HPS1: variants seen among roughly 807,000 people sequenced by gnomAD.
HPS1 encodes the protein HPS1 biogenesis of lysosomal organelles complex 3 subunit 1.
Under a neutral mutation model 90.6 loss-of-function variants are expected in HPS1, and 59 were observed. That is an observed-to-expected ratio of 0.65 (90% CI 0.53 to 0.81). The LOEUF (loss-of-function observed/expected upper bound fraction) is 0.81, where lower values mean the gene tolerates loss of function less well. HPS1 is among the 30% of genes least tolerant of loss of function. The pLI is 0.00. For missense variants in HPS1, 849 were observed against 896.7 expected, an observed-to-expected ratio of 0.95 and a Z score of 0.68; for synonymous variants, 388 against 384.4, an observed-to-expected ratio of 1.01 and a Z score of -0.11.
chr10:98,426,353 A>T (rs143588650), intron 11 of HPS1, among the ~76,000 whole-genome samples: 1 of 152,172 alleles, frequency 6.6e-6, no homozygotes, highest in African/African-American at 2.4e-5. Context: ...AATGTTCAAC[A>T]TTGTATCATT....
chr10:98,446,783 C>A (rs1939684258), intron 1 of HPS1, 24 bp downstream of exon 1: 1 of 152,212 alleles, frequency 6.6e-6, no homozygotes, highest in Non-Finnish European at 1.5e-5. Flanking sequence ...AGTGGGCCCG[C>A]TCCGGGACCC....
At chr10:98,418,622 G>A (rs144214279) in intron 18 of HPS1, among the ~76,000 whole-genome samples, 1 of 152,366 alleles carries the variant, frequency 6.6e-6, no homozygotes, top group Non-Finnish European at 1.5e-5. Context: ...AATTCCCAGG[G>A]TGGGATAAGG....
intron 6 of HPS1, among the ~76,000 whole-genome samples, chr10:98,433,689 G>A (rs997671740): frequency 6.6e-6 from 1 of 152,126 alleles, no homozygotes; most frequent in Non-Finnish European, 1.5e-5. Context: ...TAATTTTGTG[G>A]GAAAAGGAGG....
chr10:98,415,491 A>T (rs1428830325), downstream of HPS1, among the ~76,000 whole-genome samples: 2 of 152,216 alleles, frequency 1.3e-5, no homozygotes, highest in African/African-American at 2.4e-5. Context: ...GGGTTAGGGA[A>T]TGAGTGGTGG....
intron 3 of HPS1, among the ~76,000 whole-genome samples, chr10:98,441,728 T>C (rs1938458430): frequency 1.3e-5 from 2 of 152,158 alleles, no homozygotes; most frequent in Non-Finnish European, 1.5e-5. Flanking sequence ...AATAAGCACA[T>C]GAAAAGATGC....
At chr10:98,440,097 ACTT>A (rs1938147853) in intron 3 of HPS1, among the ~76,000 whole-genome samples, 1 of 152,170 alleles carries the variant, frequency 6.6e-6, no homozygotes, top group African/African-American at 2.4e-5. Context: ...AGTCAATTAA[ACTT>A]CTTTCCTTTA....
chr10:98,429,838 A>G lies in HPS1; in HGVS notation c.820T>C (p.Trp274Arg), dbSNP rs1463391299. The G allele has an allele frequency of 6.2e-7, 1 of 1,613,582 alleles. No homozygotes were observed. The highest frequency in any genetic ancestry group is 1.3e-5 in the African/African-American group (1 of 75,054). ...GTTGGGCCCGTGGAGTGAGGGCTCC[A>G]GGCCTGCTGCACGGGGATGTTCTGG... ...SSQNIPVQQA[W>R]SPHSTGPTGG... The change falls in exon 9 of 20, where the codon TGG becomes CGG. Residue 274 changes from tryptophan to arginine, a missense_variant. Transcript: ENST00000361490.
chr10:98,429,906 A>T lies in HPS1; in HGVS notation c.769-17T>A. ...CGGGGAAGGCTGTGCAGGGCAGGGG[A>T]GAGGCTGGTTAGCTCCTATCTGACC... On this transcript the variant is annotated splice_polypyrimidine_tract_variant and intron_variant, in intron 8 of 19. Transcript: ENST00000361490. 6.2e-7 allele frequency: 1 copy of T among 1,604,680 alleles called. No individual in the cohort carries two copies. Among genetic ancestry groups the T allele is most frequent in the Non-Finnish European group, 8.5e-7 (1 of 1,177,706 alleles).
At chr10:98,443,096 C>G in intron 3 of HPS1, 28 bp downstream of exon 3, 11 of 1,486,456 alleles carry the variant, frequency 7.4e-6, no homozygotes, top group South Asian at 2.3e-5. Context: ...CTATCCACCC[C>G]TCCTGGGACT....
chr10:98,429,196 C>T, intron 10 of HPS1: 1 of 1,039,128 alleles, frequency 9.6e-7, no homozygotes, highest in South Asian at 2.4e-5. Context: ...TTTGGAGAAA[C>T]AAAGTATAAA....
rs1241069818 is a variant in HPS1, at chr10:98,431,251, C to T, written c.548G>A (p.Cys183Tyr). 11 of 1,613,946 alleles carry T rather than the reference C, an allele frequency of 6.8e-6. No homozygotes were observed. Among genetic ancestry groups the T allele is most frequent in the Non-Finnish European group, 9.3e-6 (11 of 1,180,024 alleles). The part of the protein sequence containing the change: ...RLIHPQLCEL[C>Y]IEALERHVIQ... Reference sequence around the variant, plus strand: ...GACGTGCCGCTCCAGCGCCTCTATGCACAGCTCACAGAGCTGGGGGTGAAT... The same window carrying T: ...GACGTGCCGCTCCAGCGCCTCTATGTACAGCTCACAGAGCTGGGGGTGAAT... Residue 183 changes from cysteine (C) to tyrosine (Y), a missense_variant, in exon 7 of 20, where the codon TGC (cysteine) becomes TAC (tyrosine). Transcript: ENST00000361490.
intron 1 of HPS1, among the ~76,000 whole-genome samples, chr10:98,446,365 G>A (rs1404699418): frequency 6.6e-6 from 1 of 152,230 alleles, no homozygotes; most frequent in Non-Finnish European, 1.5e-5. Flanking sequence ...AGGGAACTCG[G>A]AGGGGACTCA....
intron 3 of HPS1, among the ~76,000 whole-genome samples, chr10:98,438,725 TGAG>T (rs1937835465): frequency 6.6e-6 from 1 of 152,220 alleles, no homozygotes; most frequent in African/African-American, 2.4e-5. Flanking sequence ...GCCCATTTTC[TGAG>T]GAGAAATTCA....
rs375009475 is a variant in HPS1 at position 98,423,895 on chromosome 10, C to A, written c.1398-8G>T. On this transcript the variant is annotated splice_polypyrimidine_tract_variant and splice_region_variant and intron_variant, in intron 14 of 19. Transcript: ENST00000361490. ...CCACATGCCTGGAGCAGCCTGAGCA[C>A]GAGAGAGGAGGGCATTACAGCAGAA... 1.9e-6 allele frequency: 3 copies of A among 1,613,238 alleles called. No homozygotes were observed. Among genetic ancestry groups the A allele is most frequent in the African/African-American group, 2.7e-5 (2 of 74,910 alleles).
chr10:98,429,783 G>A lies in HPS1; in HGVS notation c.867+8C>T, dbSNP rs1189028050. On this transcript the variant is annotated splice_region_variant and intron_variant, in intron 9 of 19. Transcript: ENST00000361490. ...TGCCCCTGACTCCACGAAGTGCACAGCACACACCGTCTCTGCAGAGCTCCC... is the reference window on the plus strand; with the variant it reads ...TGCCCCTGACTCCACGAAGTGCACAACACACACCGTCTCTGCAGAGCTCCC... The A allele has an allele frequency of 1.2e-6, 2 of 1,613,826 alleles. No homozygotes were observed. Among genetic ancestry groups the A allele is most frequent in the Non-Finnish European group, 1.7e-6 (2 of 1,179,888 alleles).
At position 98,423,778 on chromosome 10, in the gene HPS1, G is replaced by A. The variant is rs748888649; in HGVS notation, c.1507C>T (p.Gln503Ter). The A allele has an allele frequency of 1.2e-6, 2 of 1,614,124 alleles. No homozygotes were observed. The highest frequency in any genetic ancestry group is 1.1e-5 in the South Asian group (1 of 91,080). Reference sequence around the variant, plus strand: ...CGCATGAGCCTCTGCACTTGGTCCTGCAGGTGCTGGGGCAGGTGTGGGCCT... The same window carrying A: ...CGCATGAGCCTCTGCACTTGGTCCTACAGGTGCTGGGGCAGGTGTGGGCCT... ...RGGPHLPQHL[Q>*]DQVQRLMREK... The change falls in exon 15 of 20, where the codon CAG becomes TAG. Residue 503 changes from glutamine to a stop codon, truncating the protein, a stop_gained. Transcript: ENST00000361490. LOFTEE classifies it high-confidence loss of function.
chr10:98,415,999 G>A (rs1414329025), downstream of HPS1, among the ~76,000 whole-genome samples: 1 of 152,182 alleles, frequency 6.6e-6, no homozygotes, highest in African/African-American at 2.4e-5. Context: ...TTACTTAGCA[G>A]AGTGTTCCCC....
chr10:98,419,737 G>A (rs1029060751), intron 18 of HPS1, among the ~76,000 whole-genome samples: 2 of 152,256 alleles, frequency 1.3e-5, no homozygotes, highest in South Asian at 2.1e-4. Context: ...AAGCACTAGC[G>A]ACAAAGTGTG....
In HPS1 at chr10:98,417,698, G is replaced by A. The variant is rs780093504; in HGVS notation, c.1969C>T (p.Arg657Cys). ...RKLLRYYSKNRPTEAVRCYEL... is the reference protein window; with the variant it reads ...RKLLRYYSKNCPTEAVRCYEL... ...TAGCACCTGACAGCCTCGGTTGGGCGGTTCTTGCTGTAGTAGCGCAGGAGC... is the reference window on the plus strand; with the variant it reads ...TAGCACCTGACAGCCTCGGTTGGGCAGTTCTTGCTGTAGTAGCGCAGGAGC... Residue 657 changes from arginine (R) to cysteine (C), a missense_variant, in exon 20 of 20, where the codon CGC (arginine) becomes TGC (cysteine). By Grantham distance (180) the Arg-to-Cys change is radical. Coordinates refer to ENST00000361490, the MANE Select transcript of HPS1 (RefSeq NM_000195.5). The surrounding 1 kb of genome is among the most constrained non-coding windows in gnomAD (Gnocchi z 4.2). The A allele has an allele frequency of 1.8e-5, 29 of 1,613,792 alleles. No individual in the cohort carries two copies. The highest frequency in any genetic ancestry group is 4.5e-5 in the East Asian group (2 of 44,884).
Sources: gnomAD v4.1 joint callset for allele counts (sites outside exome capture counted in the v4.1 genomes callset) on GRCh38, gnomAD v4.1.1 for gene constraint, Gnocchi (gnomAD v3.1) non-coding constraint, MANE v1.5 for transcripts, NCBI Gene and HGNC (gene_info 2026-07-23, HGNC 2026-07-21) for gene names.